The following BMPER variants were observed in gnomAD, a reference collection of about 807,000 sequenced individuals.
BMPER encodes the protein BMP-binding endothelial regulator protein.
In BMPER, 45 loss-of-function variants were observed where a neutral mutation model predicts 87.3. The ratio of observed to expected loss-of-function variants is 0.52; its 90% confidence interval spans 0.41 to 0.66. The LOEUF (loss-of-function observed/expected upper bound fraction) is 0.66, where lower values mean the gene tolerates loss of function less well. BMPER is among the 30% of genes least tolerant of loss of function. The probability of loss-of-function intolerance (pLI) is 0.00; values close to 1 mark genes in which losing one functional copy is unlikely to be tolerated. For missense variants in BMPER, 784 were observed against 867.5 expected (o/e 0.90, Z 1.21); for synonymous variants, 326 against 316.2 (o/e 1.03, Z -0.33).
chr7:34,117,509 T>C (rs1387684128), intron 13 of BMPER, among the ~76,000 whole-genome samples: 1 of 152,206 alleles, frequency 6.6e-6, no homozygotes, highest in Non-Finnish European at 1.5e-5. Flanking sequence ...TGATAATCAC[T>C]CTTGATACGC....
intron 6 of BMPER, among the ~76,000 whole-genome samples, chr7:34,045,396 G>A (rs1258749326): frequency 2.0e-5 from 3 of 152,288 alleles, no homozygotes; most frequent in South Asian, 4.1e-4. Context: ...CACCTCTGGT[G>A]AGGGATAGGA....
Position 33,970,358 on chromosome 7 carries a change from C to T in BMPER, c.432C>T (p.Arg144=). 1.2e-6 allele frequency: 2 copies of T among 1,614,128 alleles called. No homozygotes were observed. Among genetic ancestry groups the T allele is most frequent in the Non-Finnish European group, 1.7e-6 (2 of 1,180,000 alleles). Residue 144 remains arginine, a synonymous_variant, in exon 5 of 15, where the codon CGC becomes CGT. Transcript: ENST00000649409. ...QEGVVTESGV[R]CVVHCKNPLE... is the part of the protein sequence containing the mutation. ...GCGTTGTCACAGAGTCTGGGGTGCG[C>T]TGTGTTGTTCATTGTAAAAACCCTT...
intron 11 of BMPER, among the ~76,000 whole-genome samples, chr7:34,065,768 A>G (rs1011619083): frequency 3.9e-5 from 6 of 152,196 alleles, no homozygotes; most frequent in African/African-American, 1.4e-4. Flanking sequence ...CCACCTCTAA[A>G]AGCATGCAGG....
chr7:34,151,205 A>C (rs1562774897), intron 14 of BMPER, among the ~76,000 whole-genome samples: 1 of 152,170 alleles, frequency 6.6e-6, no homozygotes, highest in Admixed American at 6.5e-5. Flanking sequence ...CTGAGATGCA[A>C]ATGGAAAATT....
chr7:34,072,231 T>C (rs549814706), intron 11 of BMPER, among the ~76,000 whole-genome samples: 80 of 152,318 alleles, frequency 5.3e-4, no homozygotes, highest in African/African-American at 1.9e-3. Flanking sequence ...CATACACTAG[T>C]TATTTTATAC....
intron 13 of BMPER, among the ~76,000 whole-genome samples, chr7:34,118,816 G>A (rs2127988525): frequency 6.6e-6 from 1 of 152,176 alleles, no homozygotes; most frequent in East Asian, 1.9e-4. Flanking sequence ...GGCCTTCATA[G>A]AAAAAGGCTA....
chr7:33,947,190 G>T (rs1034132618), intron 3 of BMPER, among the ~76,000 whole-genome samples: 6 of 152,114 alleles, frequency 3.9e-5, no homozygotes, highest in Admixed American at 6.6e-5. Context: ...GATGGTTTTG[G>T]CAGCTTTTCT....
At chr7:34,085,538 G>A (rs1789175386) in intron 12 of BMPER, among the ~76,000 whole-genome samples, 2 of 152,022 alleles carry the variant, frequency 1.3e-5, no homozygotes, top group African/African-American at 4.8e-5. Context: ...AACTTTATAC[G>A]GTTTAAAAAT....
intron 8 of BMPER, 76 bp from the exon 9 acceptor site, chr7:34,055,087 T>C: frequency 8.8e-6 from 14 of 1,596,576 alleles, no homozygotes; most frequent in South Asian, 2.2e-5. Context: ...TTATGAGTTA[T>C]GAAAGGAAGG....
intron 13 of BMPER, among the ~76,000 whole-genome samples, chr7:34,108,754 C>A (rs1454608340): frequency 6.6e-6 from 1 of 152,150 alleles, no homozygotes; most frequent in African/African-American, 2.4e-5. Flanking sequence ...TCACCTGATG[C>A]CAAATACTTG....
chr7:34,011,234 C>G (rs1786865599), intron 6 of BMPER, among the ~76,000 whole-genome samples: 1 of 151,736 alleles, frequency 6.6e-6, no homozygotes, highest in African/African-American at 2.4e-5. Flanking sequence ...ATATTGTGAA[C>G]TTGCAGATTC....
intron 2 of BMPER, among the ~76,000 whole-genome samples, chr7:33,909,689 A>AC (rs1783908677): frequency 7.4e-6 from 1 of 135,656 alleles, no homozygotes; most frequent in Non-Finnish European, 1.6e-5. Context: ...ACAAAAAAAA[A>AC]AAAAAAAGAA....
chr7:34,115,076 A>G (rs1328278797), intron 13 of BMPER, among the ~76,000 whole-genome samples: 1 of 152,278 alleles, frequency 6.6e-6, no homozygotes, highest in East Asian at 1.9e-4. Flanking sequence ...AATTAAGTGC[A>G]TACTATATAA....
In BMPER at chr7:34,079,197, T is replaced by C. The variant is rs983981818; in HGVS notation, c.1408+11T>C. ...TGACCACCAAAGCAGGTGGGGCGTC[T>C]GTGGCCTCCCTCTTGCTCTAGCCTC... On this transcript the variant is annotated intron_variant, in intron 12 of 14. Coordinates refer to ENST00000649409, the MANE Select transcript of BMPER (RefSeq NM_001365308.1). 5.0e-6 allele frequency: 8 copies of C among 1,613,264 alleles called. No individual in the cohort carries two copies. Among genetic ancestry groups the C allele is most frequent in the Admixed American group, 1.7e-5 (1 of 60,014 alleles).
At chr7:34,048,907 A>G (rs949892955) in intron 7 of BMPER, among the ~76,000 whole-genome samples, 22 of 152,180 alleles carry the variant, frequency 1.4e-4, no homozygotes, top group African/African-American at 5.3e-4. Flanking sequence ...TTTGGGATTA[A>G]GGTTAAGATT....
chr7:33,951,410 A>G (rs1440753090), intron 3 of BMPER, among the ~76,000 whole-genome samples: 12 of 152,104 alleles, frequency 7.9e-5, no homozygotes, highest in Admixed American at 5.9e-4. Context: ...AATTTTGAAC[A>G]TACTCTAACC....
chr7:33,973,090 T>G (rs1785588886), intron 5 of BMPER, among the ~76,000 whole-genome samples: 1 of 152,236 alleles, frequency 6.6e-6, no homozygotes, highest in African/African-American at 2.4e-5. Context: ...GACTGCTCCT[T>G]CCTTTTCATT....
At chr7:34,014,111 T>A (rs889233717) in intron 6 of BMPER, among the ~76,000 whole-genome samples, 2 of 151,990 alleles carry the variant, frequency 1.3e-5, no homozygotes, top group African/African-American at 4.8e-5. Flanking sequence ...AGAGCTCATT[T>A]ACTACTTGTT....
intron 6 of BMPER, among the ~76,000 whole-genome samples, chr7:34,015,350 A>G (rs1384367599): frequency 6.6e-6 from 1 of 152,034 alleles, no homozygotes; most frequent in African/African-American, 2.4e-5. Context: ...GATTTGTTAA[A>G]AGCTCTTAGA....
Sources: allele counts gnomAD v4.1 joint callset (sites outside exome capture counted in the v4.1 genomes callset), GRCh38; gene constraint gnomAD v4.1.1; transcripts MANE v1.5; gene names NCBI Gene and HGNC (gene_info 2026-07-23, HGNC 2026-07-21).